The following PTPRZ1 variants were observed in gnomAD, a reference collection of about 807,000 sequenced individuals.
PTPRZ1 encodes the protein receptor-type tyrosine-protein phosphatase zeta.
In PTPRZ1, 82 loss-of-function variants were observed where a neutral mutation model predicts 214.1. The ratio of observed to expected loss-of-function variants is 0.38; its 90% CI spans 0.32 to 0.46. PTPRZ1 has a LOEUF of 0.46. Among genes scored for constraint, PTPRZ1 ranks in the 20% least tolerant of loss-of-function variants. PTPRZ1 has a pLI of 1.00. For missense variants in PTPRZ1, 2,603 were observed against 2,748.7 expected (o/e 0.95, Z 1.19); for synonymous variants, 945 against 987.9 (o/e 0.96, Z 0.81).
chr7:121,928,055 G>A (rs1795815651), intron 1 of PTPRZ1, 101 bp from the exon 2 acceptor site: 5 of 800,672 alleles, frequency 6.2e-6, no homozygotes, highest in Non-Finnish European at 1.1e-5. Context: ...ACATGGAAAG[G>A]AGTAATCAAG....
chr7:122,014,576 C>G (rs1043640576), intron 12 of PTPRZ1, among the ~76,000 whole-genome samples: 1 of 151,996 alleles, frequency 6.6e-6, no homozygotes, highest in Non-Finnish European at 1.5e-5. Flanking sequence ...GTAGCTGAGA[C>G]TACAGGCGCC....
chr7:121,999,345 A>G (rs1489280337), intron 10 of PTPRZ1, among the ~76,000 whole-genome samples: 1 of 152,184 alleles, frequency 6.6e-6, no homozygotes, highest in African/African-American at 2.4e-5. Flanking sequence ...AAAGTAACTG[A>G]CCATGATTTT....
chr7:122,036,816 C>T (rs981399214), intron 18 of PTPRZ1, 134 bp downstream of exon 18: 3 of 618,670 alleles, frequency 4.8e-6, no homozygotes, highest in African/African-American at 3.8e-5. Context: ...GGTAAAGTAA[C>T]AGTAAATAAT....
intron 8 of PTPRZ1, among the ~76,000 whole-genome samples, chr7:121,994,983 G>A (rs895063100): frequency 7.3e-5 from 11 of 151,482 alleles, no homozygotes; most frequent in African/African-American, 2.2e-4. Context: ...TTTGTAAAAG[G>A]TATATATATA....
chr7:122,030,244 TA>T (rs1395938467), intron 14 of PTPRZ1, among the ~76,000 whole-genome samples: 2 of 151,968 alleles, frequency 1.3e-5, no homozygotes, highest in Non-Finnish European at 2.9e-5. Flanking sequence ...TGTTTTCGTG[TA>T]AAAATCAGAA....
At chr7:122,034,453 C>A in intron 17 of PTPRZ1, 75 bp downstream of exon 17, 2 of 1,333,562 alleles carry the variant, frequency 1.5e-6, no homozygotes, top group Non-Finnish European at 2.1e-6. Context: ...GTCCTGAAGT[C>A]ATCTGAGAGC....
At chr7:121,974,121 AAGAT>A (rs1797354543) in intron 4 of PTPRZ1, among the ~76,000 whole-genome samples, 1 of 152,070 alleles carries the variant, frequency 6.6e-6, no homozygotes, top group Non-Finnish European at 1.5e-5. Flanking sequence ...TAATAAAAAT[AAGAT>A]AGGGTGAATT....
intron 21 of PTPRZ1, among the ~76,000 whole-genome samples, chr7:122,041,308 T>C (rs1208442025): frequency 2.0e-5 from 3 of 152,138 alleles, no homozygotes; most frequent in Non-Finnish European, 2.9e-5. Flanking sequence ...TATAATACCA[T>C]GGGATAAAAA....
intron 14 of PTPRZ1, among the ~76,000 whole-genome samples, chr7:122,031,027 T>C (rs1799352782): frequency 6.6e-6 from 1 of 152,048 alleles, no homozygotes; most frequent in Non-Finnish European, 1.5e-5. Context: ...TGTAAGACAT[T>C]AAATTGTACA....
intron 1 of PTPRZ1, among the ~76,000 whole-genome samples, chr7:121,926,026 C>T (rs1490519609): frequency 1.3e-5 from 2 of 152,192 alleles, no homozygotes; most frequent in East Asian, 1.9e-4. Flanking sequence ...AATTACAAGC[C>T]GGGCACAGTG....
In PTPRZ1 at chr7:121,971,424, G is replaced by A. The variant is rs188697374; in HGVS notation, c.305-1117G>A. Among the ~76,000 whole-genome samples, 163 of 152,178 alleles carry A rather than the reference G, an allele frequency of 1.1e-3. 1 individual carries two copies. Among genetic ancestry groups the A allele is most frequent in the African/African-American group, 3.7e-3 (152 of 41,510 alleles). ...AGAGGGTGACAGTAGGTCTGAAGGC[G>A]GCTATTTTTATGGGGAGTGTTGAGG... On this transcript the variant is annotated intron_variant, in intron 3 of 29. Coordinates refer to ENST00000393386, the MANE Select transcript of PTPRZ1 (RefSeq NM_002851.3).
At position 122,026,624 on chromosome 7, in the gene PTPRZ1, A is replaced by C. The variant is rs189609503; in HGVS notation, c.4989-1928A>C. ...CATTTTCCAGGATATTAACCTAGTT[A>C]GGAGGGTCCCTTTGACACTTGTTTC... On this transcript the variant is annotated intron_variant, in intron 13 of 29. Coordinates refer to ENST00000393386, the MANE Select transcript of PTPRZ1 (RefSeq NM_002851.3). 3.5e-3 allele frequency among the ~76,000 whole-genome samples: 531 copies of C among 152,240 alleles called. 4 individuals carry two copies. Among genetic ancestry groups the C allele is most frequent in the African/African-American group, 0.012 (486 of 41,536 alleles).
At chr7:122,027,006 C>A (rs1488732255) in intron 13 of PTPRZ1, among the ~76,000 whole-genome samples, 5 of 152,058 alleles carry the variant, frequency 3.3e-5, no homozygotes, top group African/African-American at 1.2e-4. Flanking sequence ...TAAGAAGAGA[C>A]CAATTATAAA....
chr7:121,955,734 G>A (rs983009426), intron 2 of PTPRZ1, among the ~76,000 whole-genome samples: 12 of 152,202 alleles, frequency 7.9e-5, no homozygotes, highest in African/African-American at 2.9e-4. Flanking sequence ...CATAACATTA[G>A]TCACAGTGTC....
intron 11 of PTPRZ1, among the ~76,000 whole-genome samples, chr7:122,006,652 T>C (rs980359917): frequency 6.6e-6 from 1 of 151,946 alleles, no homozygotes; most frequent in African/African-American, 2.4e-5. Flanking sequence ...GATCTTCCTG[T>C]TAGAGAAGAA....
chr7:122,008,031 C>T (rs1311255933), intron 11 of PTPRZ1, among the ~76,000 whole-genome samples: 5 of 152,082 alleles, frequency 3.3e-5, no homozygotes, highest in African/African-American at 9.6e-5. Flanking sequence ...GTTTATAGAA[C>T]GCATATGTAT....
chr7:121,981,097 A>T (rs1219558496), intron 6 of PTPRZ1, among the ~76,000 whole-genome samples: 7 of 151,534 alleles, frequency 4.6e-5, no homozygotes, highest in African/African-American at 1.2e-4. Context: ...GAGCCGAGAT[A>T]GCGCCACTGC....
chr7:121,965,865 A>C (rs1416010324), intron 2 of PTPRZ1, among the ~76,000 whole-genome samples: 1 of 152,244 alleles, frequency 6.6e-6, no homozygotes, highest in Non-Finnish European at 1.5e-5. Context: ...TTTAATGTGT[A>C]TATCAATATC....
chr7:122,034,838 GATTCTTTCTTTTA>G (rs1398414699), intron 17 of PTPRZ1, among the ~76,000 whole-genome samples: 2 of 151,892 alleles, frequency 1.3e-5, no homozygotes, highest in African/African-American at 2.4e-5. Flanking sequence ...GAATTAGTTG[GATTCTTTCTTTTA>G]ATTCTTTCTT....
Sources: allele counts gnomAD v4.1 joint callset (sites outside exome capture counted in the v4.1 genomes callset), GRCh38; gene constraint gnomAD v4.1.1; transcripts MANE v1.5; gene names NCBI Gene and HGNC (gene_info 2026-07-23, HGNC 2026-07-21).